The following DTWD2 variants were observed in gnomAD, a reference collection of about 807,000 sequenced individuals.
The protein encoded by DTWD2 is tRNA-uridine aminocarboxypropyltransferase 2.
A neutral mutation model predicts 31.8 loss-of-function variants in DTWD2; 39 were observed. The observed-to-expected ratio is 1.22, with a 90% confidence interval of 0.95 to 1.60. DTWD2 has a LOEUF of 1.60. Among genes scored for constraint, DTWD2 ranks in the 40% most tolerant of loss-of-function variants. The pLI is 0.00. For missense variants in DTWD2, 515 were observed against 381.5 expected (o/e 1.35, Z -2.92); for synonymous variants, 180 against 142.8 (o/e 1.26, Z -1.86).
At chr5:118,912,333 T>C (rs184516254) in intron 4 of DTWD2, among the ~76,000 whole-genome samples, 2 of 152,280 alleles carry the variant, frequency 1.3e-5, no homozygotes, top group Admixed American at 6.5e-5. Flanking sequence ...GGGAGAACTG[T>C]ACATAAGATA....
At chr5:118,855,844 CAGAGA>C (rs955778244) in intron 4 of DTWD2, among the ~76,000 whole-genome samples, 4 of 152,042 alleles carry the variant, frequency 2.6e-5, no homozygotes, top group South Asian at 2.1e-4. Flanking sequence ...TATCACCAGC[CAGAGA>C]AAACGACTAT....
chr5:118,909,844 C>CTTAG (rs902973877), intron 4 of DTWD2, among the ~76,000 whole-genome samples: 2 of 152,192 alleles, frequency 1.3e-5, no homozygotes, highest in African/African-American at 4.8e-5. Flanking sequence ...TTCCCCCGTA[C>CTTAG]TTAGCACTCC....
rs1751705408 is a variant in DTWD2 at position 118,841,160 on chromosome 5, G to A, written c.727-73C>T. On this transcript the variant is annotated intron_variant, in intron 5 of 5. Transcript: ENST00000510708. ...ATATTCTATCTATATTTTTCATTCA[G>A]AAATAGGAGTTACTATGTTTCTTTT... The A allele has an allele frequency of 4.7e-6, 7 of 1,501,706 alleles. No homozygotes were observed. In the South Asian group the frequency reaches 9.0e-5, roughly 19 times the overall value. The allele number at this position is 1,501,706 out of a possible 1,614,324, so 93.0% of individuals were successfully genotyped here. A position where few individuals can be genotyped will look rare whatever the true frequency, so the allele number is the denominator to read the frequency against.
At chr5:118,891,409 T>A (rs1293135663) in intron 4 of DTWD2, among the ~76,000 whole-genome samples, 2 of 152,178 alleles carry the variant, frequency 1.3e-5, no homozygotes, top group East Asian at 3.8e-4. Flanking sequence ...TTTCTCTGAA[T>A]TAATTATGAC....
At chr5:118,923,177 T>G (rs1288011883) in intron 4 of DTWD2, among the ~76,000 whole-genome samples, 1 of 152,164 alleles carries the variant, frequency 6.6e-6, no homozygotes, top group Non-Finnish European at 1.5e-5. Flanking sequence ...TTACAGGTAG[T>G]TAGATAGGCA....
chr5:118,953,356 CTTGATGAA>C (rs1446406463), intron 1 of DTWD2, among the ~76,000 whole-genome samples: 1 of 152,180 alleles, frequency 6.6e-6, no homozygotes, highest in African/African-American at 2.4e-5. Context: ...GTTGGCAAAG[CTTGATGAA>C]CTTTTGTGAG....
chr5:118,841,142 A>G, intron 5 of DTWD2, 55 bp from the exon 6 acceptor site: 3 of 1,542,246 alleles, frequency 1.9e-6, no homozygotes, highest in South Asian at 1.2e-5. Flanking sequence ...ATGATATTCT[A>G]TCTATATTTT....
intron 4 of DTWD2, among the ~76,000 whole-genome samples, chr5:118,885,406 C>T (rs542121391): frequency 5.1e-5 from 7 of 138,052 alleles, no homozygotes; most frequent in Admixed American, 3.3e-4. Flanking sequence ...GAGCCGAGAT[C>T]GAGCCACTGC....
chr5:118,892,984 A>T lies in DTWD2; in HGVS notation c.597+35553T>A, dbSNP rs926726717. On this transcript the variant is annotated intron_variant, in intron 4 of 5. Coordinates refer to ENST00000510708, the MANE Select transcript of DTWD2 (RefSeq NM_173666.4). The stretch of plus-strand genomic sequence containing the variant: ...AAGAATAAGGAAGATCTCTGAACAG[A>T]TATGGGAGTGGTTACTAGGAAAATA... 2.6e-5 allele frequency among the ~76,000 whole-genome samples: 4 copies of T among 152,014 alleles called. No homozygotes were observed. The East Asian group carries it at 7.7e-4, about 29-fold the overall frequency.
intron 4 of DTWD2, among the ~76,000 whole-genome samples, chr5:118,855,022 C>G (rs999702231): frequency 1.3e-5 from 2 of 151,440 alleles, no homozygotes; most frequent in African/African-American, 2.4e-5. Flanking sequence ...CCATAGTTAG[C>G]CAAGCGTGGT....
At chr5:118,876,157 T>A (rs1752617456) in intron 4 of DTWD2, among the ~76,000 whole-genome samples, 1 of 152,118 alleles carries the variant, frequency 6.6e-6, no homozygotes, top group South Asian at 2.1e-4. Flanking sequence ...TTGAAACTAA[T>A]CAGAACAAAG....
chr5:118,851,839 TAAAAAAA>T (rs200893015), intron 4 of DTWD2, among the ~76,000 whole-genome samples: 4 of 124,454 alleles, frequency 3.2e-5, no homozygotes, highest in East Asian at 2.4e-4. Context: ...TAAAGTATAA[TAAAAAAA>T]AAAAAAAGAA....
chr5:118,852,636 C>T (rs1369290608), intron 4 of DTWD2, among the ~76,000 whole-genome samples: 2 of 152,148 alleles, frequency 1.3e-5, no homozygotes, highest in Non-Finnish European at 2.9e-5. Flanking sequence ...TAAATTAATT[C>T]AGCCACTGTC....
At chr5:118,907,346 TAGAG>T (rs1305515537) in intron 4 of DTWD2, among the ~76,000 whole-genome samples, 2 of 151,952 alleles carry the variant, frequency 1.3e-5, no homozygotes, top group East Asian at 1.9e-4. Context: ...AGGATATATA[TAGAG>T]AGAGAGAGAA....
Position 118,900,167 on chromosome 5 carries a change from T to C in DTWD2, c.597+28370A>G, listed in dbSNP as rs76941432. ...ACATTATGTTTATGTAATTCATTCA[T>C]GTTGTTATGTGTAGTTTAGTTTTTA... On this transcript the variant is annotated intron_variant, in intron 4 of 5. Transcript: ENST00000510708. 3.3e-5 allele frequency among the ~76,000 whole-genome samples: 5 copies of C among 152,346 alleles called. No homozygotes were observed. In the East Asian group the frequency reaches 7.7e-4, roughly 24 times the overall value.
In DTWD2 at chr5:118,988,396, G is replaced by T. The variant is rs746739833; in HGVS notation, c.116C>A (p.Ala39Glu). 1.9e-6 allele frequency: 3 copies of T among 1,594,528 alleles called. No homozygotes were observed. In the African/African-American group the frequency reaches 4.1e-5, roughly 22 times the overall value. ...CGCCTCTGCGCCCAGGGCAGCCGCC[G>T]CCGGCACTGCGCCGCCCTCCCGCCG... is the stretch of plus-strand genomic sequence containing the variant. ...KERREGGAVP[A>E]AAALGAEADD... is the part of the protein sequence containing the mutation. Residue 39 changes from alanine (A) to glutamate (E), a missense_variant, in exon 1 of 6, where the codon GCG (alanine) becomes GAG (glutamate). Coordinates refer to ENST00000510708, the MANE Select transcript of DTWD2 (RefSeq NM_173666.4).
chr5:118,899,020 G>A (rs1469226770), intron 4 of DTWD2, among the ~76,000 whole-genome samples: 2 of 152,202 alleles, frequency 1.3e-5, no homozygotes, highest in African/African-American at 4.8e-5. Context: ...GTTGCCCAAT[G>A]CACACATTCC....
intron 4 of DTWD2, among the ~76,000 whole-genome samples, chr5:118,859,599 T>A (rs1194566875): frequency 1.3e-5 from 2 of 152,128 alleles, no homozygotes; most frequent in Non-Finnish European, 2.9e-5. Flanking sequence ...AATAATTAGG[T>A]TCATTTGTTT....
intron 4 of DTWD2, among the ~76,000 whole-genome samples, chr5:118,918,352 A>T (rs1048182394): frequency 2.0e-5 from 3 of 151,396 alleles, no homozygotes. Context: ...TTTGAGATGG[A>T]GTCTCGCTCT....
Sources: allele counts gnomAD v4.1 joint callset (sites outside exome capture counted in the v4.1 genomes callset), GRCh38; gene constraint gnomAD v4.1.1; transcripts MANE v1.5; gene names NCBI Gene and HGNC (gene_info 2026-07-23, HGNC 2026-07-21).